The following UBA1 variants were observed in gnomAD, a reference collection of about 807,000 sequenced individuals.
UBA1 encodes ubiquitin like modifier activating enzyme 1.
UBA1 carries 4 observed loss-of-function variants against 84.7 expected under a neutral mutation model. The observed-to-expected ratio is 0.05, with a 90% confidence interval of 0.02 to 0.11. UBA1 has a LOEUF of 0.11. Among genes scored for constraint, UBA1 ranks in the 10% least tolerant of loss-of-function variants. The pLI is 1.00. For missense variants in UBA1, 513 were observed against 902.8 expected (o/e 0.57, Z 5.53); for synonymous variants, 364 against 362.6 (o/e 1.00, Z -0.04).
upstream of UBA1, among the ~76,000 whole-genome samples, chrX:47,193,570 T>G (rs1718281922): frequency 1.8e-5 from 2 of 112,202 alleles, no homozygotes; most frequent in Non-Finnish European, 3.8e-5. Flanking sequence ...CCTTAACGGT[T>G]TTTCTTCGCT....
chrX:47,195,890 C>T (rs782589769), intron 1 of UBA1, among the ~76,000 whole-genome samples: 7 of 110,932 alleles, frequency 6.3e-5, no homozygotes, highest in Non-Finnish European at 1.3e-4. Flanking sequence ...TTGCATGTCC[C>T]TATCTATTAT....
In UBA1 at chrX:47,210,164, C is replaced by G. The variant is rs1556792951; in HGVS notation, c.2199+41C>G. 5 of 1,197,880 alleles carry G rather than the reference C, an allele frequency of 4.2e-6. No individual in the cohort carries two copies. The South Asian group carries it at 8.9e-5, about 21-fold the overall frequency. On this transcript the variant is annotated intron_variant, in intron 18 of 25. Transcript: ENST00000335972. Reference sequence around the variant, plus strand: ...TGGGTCCATTTGGCAGAATGTGTTTCCCTGAAATGGGAGCCTGCAGTGTGG... The same window carrying G: ...TGGGTCCATTTGGCAGAATGTGTTTGCCTGAAATGGGAGCCTGCAGTGTGG...
chrX:47,202,274 A>G, intron 9 of UBA1, 21 bp downstream of exon 9: 1 of 1,206,217 alleles, frequency 8.3e-7, no homozygotes, highest in Non-Finnish European at 1.1e-6. Flanking sequence ...CGATGGGATC[A>G]GTGGGCTGTG....
chrX:47,212,747 T>G (rs782264649), intron 21 of UBA1, 24 bp from the exon 22 acceptor site: 1 of 1,191,175 alleles, frequency 8.4e-7, no homozygotes, highest in Non-Finnish European at 1.1e-6. Flanking sequence ...CCCACTGCCT[T>G]CACACCCTCC....
chrX:47,197,253 C>G (rs1173899111), intron 1 of UBA1: 1 of 755,033 alleles, frequency 1.3e-6, no homozygotes, highest in Non-Finnish European at 1.6e-6. Context: ...CTGCATGCCT[C>G]TGGGCGAGTG....
In UBA1 at chrX:47,197,452, G is replaced by A. The variant is rs1936243793; in HGVS notation, c.1-1351G>A. ...TGACAAGTGCCAAGATGGAATCTTA[G>A]GTACATTGGGATACTTAGTGTCATA... On this transcript the variant is annotated intron_variant, in intron 1 of 25. Coordinates refer to ENST00000335972, the MANE Select transcript of UBA1 (RefSeq NM_003334.4). 4 of 753,287 alleles carry A rather than the reference G, an allele frequency of 5.3e-6. No individual in the cohort carries two copies. The African/African-American group carries it at 6.9e-5, about 13-fold the overall frequency. 62.1% of individuals were successfully genotyped at this position (753,287 alleles called of 1,213,427 possible). A position where few individuals can be genotyped will look rare whatever the true frequency, so the allele number is the denominator to read the frequency against.
chrX:47,205,334 A>T (rs1174130905), intron 14 of UBA1: 4 of 308,945 alleles, frequency 1.3e-5, no homozygotes, highest in Non-Finnish European at 2.7e-5. Context: ...GTCTGCATCA[A>T]TCCTGGGTGC....
intron 14 of UBA1, 96 bp from the exon 15 acceptor site, chrX:47,205,852 T>C: frequency 2.9e-6 from 3 of 1,029,186 alleles, no homozygotes; most frequent in Non-Finnish European, 4.0e-6. Flanking sequence ...AGACCCTGTC[T>C]CAAAAAAAAT....
At chrX:47,214,770 A>G in intron 25 of UBA1, 24 bp from the exon 26 acceptor site, 1 of 1,208,654 alleles carries the variant, frequency 8.3e-7, no homozygotes, top group East Asian at 3.0e-5. Context: ...TCCTGACCCT[A>G]TACTCCCATC....
chrX:47,205,864 A>T lies in UBA1; in HGVS notation c.1576-84A>T, dbSNP rs1936650804. 2.8e-6 allele frequency: 3 copies of T among 1,077,631 alleles called. No homozygotes were observed. The Admixed American group carries it at 7.8e-5, about 28-fold the overall frequency. 88.8% of individuals were successfully genotyped at this position (1,077,631 alleles called of 1,213,427 possible). On this transcript the variant is annotated intron_variant, in intron 14 of 25. Coordinates refer to ENST00000335972, the MANE Select transcript of UBA1 (RefSeq NM_003334.4). ...GAGAGACCCTGTCTCAAAAAAAATA[A>T]AGATGTTTGTTGGGTGAATGCACAA... is the stretch of plus-strand genomic sequence containing the variant.
At chrX:47,204,569 T>A (rs781818635) in intron 14 of UBA1, among the ~76,000 whole-genome samples, 56 of 111,529 alleles carry the variant, frequency 5.0e-4, no homozygotes, top group African/African-American at 1.2e-3. Flanking sequence ...GAAGGAAAGG[T>A]GTTCAGCGTA....
chrX:47,213,225 G>A lies in UBA1; in HGVS notation c.2838+44G>A, dbSNP rs782664073. 58 of 1,170,668 alleles carry A rather than the reference G, an allele frequency of 5.0e-5. No individual in the cohort carries two copies. The Admixed American group carries it at 1.2e-3, about 25-fold the overall frequency. ...AGCAGGGTTTGGGTGGGGTGTATCT[G>A]TGTAGATCTGGTTCTGATTCACGTC... On this transcript the variant is annotated intron_variant, in intron 23 of 25. Coordinates refer to ENST00000335972, the MANE Select transcript of UBA1 (RefSeq NM_003334.4).
At chrX:47,201,683 G>T in intron 8 of UBA1, 73 bp downstream of exon 8, 2 of 1,134,030 alleles carry the variant, frequency 1.8e-6, no homozygotes, top group East Asian at 3.0e-5. Flanking sequence ...GGGAGTTGAA[G>T]GGAGAAGACA....
intron 21 of UBA1, 99 bp downstream of exon 21, chrX:47,212,611 G>C (rs1602658081): frequency 1.1e-6 from 1 of 908,125 alleles, no homozygotes; most frequent in Non-Finnish European, 1.6e-6. Context: ...CCTTTGTGGG[G>C]ATCAGATTGT....
Position 47,200,891 on chromosome X carries a change from C to T in UBA1, c.481-3C>T, listed in dbSNP as rs1556787567. The T allele has an allele frequency of 8.4e-7, 1 of 1,184,885 alleles. No individual in the cohort carries two copies. The highest frequency in any genetic ancestry group is 1.1e-6 in the Non-Finnish European group (1 of 879,369). ...CTGGGCCTGAGCCTCCATCTCTCCACAGGTGGTGGTGCTCACCAACACCCC... is the reference window on the plus strand; with the variant it reads ...CTGGGCCTGAGCCTCCATCTCTCCATAGGTGGTGGTGCTCACCAACACCCC... On this transcript the variant is annotated splice_polypyrimidine_tract_variant and splice_region_variant and intron_variant, in intron 5 of 25. Transcript: ENST00000335972.
rs1556793240 is a variant in UBA1, at chrX:47,211,100, G to T, written c.2339G>T (p.Gly780Val). Residue 780 changes from glycine (G) to valine (V), a missense_variant, in exon 20 of 26, where the codon GGC (glycine) becomes GTC (valine). Transcript: ENST00000335972. ...NLFAQTYGLT[G>V]SQDRAAVATF... is the part of the protein sequence containing the mutation. The stretch of plus-strand genomic sequence containing the variant: ...TTTGCCCAGACCTACGGGCTGACAG[G>T]CTCTCAGGACCGAGCTGCTGTGGCC... 3 of 1,211,723 alleles carry T rather than the reference G, an allele frequency of 2.5e-6. No individual in the cohort carries two copies. The highest frequency in any genetic ancestry group is 4.3e-5 in the Admixed American group (2 of 46,065).
At chrX:47,205,527 T>C (rs1556790474) in intron 14 of UBA1, 1 of 346,142 alleles carries the variant, frequency 2.9e-6, no homozygotes, top group Admixed American at 3.1e-5. Context: ...GGCCTGGGTC[T>C]TCCCCAGCAT....
chrX:47,196,339 C>G (rs138590621), intron 1 of UBA1, among the ~76,000 whole-genome samples: 1 of 111,092 alleles, frequency 9.0e-6, no homozygotes, highest in African/African-American at 3.3e-5. Context: ...CTCCAGCCCC[C>G]CTTCTCTATG....
In UBA1 at chrX:47,213,166, C is replaced by T. The variant is rs782425214; in HGVS notation, c.2823C>T (p.Ala941=). The change falls in exon 23 of 26, where the codon GCC becomes GCT. Residue 941 remains alanine (A), a synonymous_variant. Transcript: ENST00000335972. ...TCTTTGGTTTCTCTGAACCCCTTGCCGCACCACGTCACCAGGTGGGGGCCT... is the reference window on the plus strand; with the variant it reads ...TCTTTGGTTTCTCTGAACCCCTTGCTGCACCACGTCACCAGGTGGGGGCCT... ...LPFFGFSEPL[A]APRHQYYNQE... is the part of the protein sequence containing the mutation. The T allele has an allele frequency of 1.5e-5, 18 of 1,209,272 alleles. No homozygotes were observed. Among genetic ancestry groups the T allele is most frequent in the African/African-American group, 3.5e-5 (2 of 57,102 alleles).
Sources: gnomAD v4.1 joint callset for allele counts (sites outside exome capture counted in the v4.1 genomes callset) on GRCh38, gnomAD v4.1.1 for gene constraint, MANE v1.5 for transcripts, NCBI Gene and HGNC (gene_info 2026-07-23, HGNC 2026-07-21) for gene names.